Variants in KRT7 observed in about 807,000 individuals in gnomAD.
KRT7 encodes the protein keratin 7.
In KRT7, 50 loss-of-function variants were observed where a neutral mutation model predicts 42.8. The observed-to-expected ratio is 1.17, with a 90% confidence interval of 0.93 to 1.48. KRT7 has a LOEUF of 1.48. Ranked by LOEUF, KRT7 falls within the 40% of genes most tolerant of loss-of-function variation. The pLI is 0.00. For synonymous variants in KRT7, 268 were observed against 266.3 expected (o/e 1.01, Z -0.06); for missense variants, 588 against 637.6 (o/e 0.92, Z 0.84).
downstream of KRT7, among the ~76,000 whole-genome samples, chr12:52,252,778 C>G (rs1182574795): frequency 6.6e-6 from 1 of 152,226 alleles, no homozygotes; most frequent in Non-Finnish European, 1.5e-5. Flanking sequence ...TTGTGCTTTC[C>G]AGTTTACCAT....
At chr12:52,237,216 A>C (rs1009311300) in intron 2 of KRT7, among the ~76,000 whole-genome samples, 11 of 152,348 alleles carry the variant, frequency 7.2e-5, no homozygotes, top group African/African-American at 2.4e-4. Flanking sequence ...AGTCTCATGC[A>C]TATGGCTGTT....
intron 6 of KRT7, chr12:52,245,098 C>T (rs1942148443): frequency 2.1e-6 from 1 of 475,190 alleles, no homozygotes; most frequent in Admixed American, 4.0e-5. Context: ...AGACATTGTG[C>T]CACGGACATC....
At position 52,245,633 on chromosome 12, in the gene KRT7, G is replaced by T. The variant is rs781076911; in HGVS notation, c.1205+1G>T. On this transcript the variant is annotated splice_donor_variant, in intron 7 of 8. Coordinates refer to ENST00000331817, the MANE Select transcript of KRT7 (RefSeq NM_005556.4). LOFTEE classifies it high-confidence loss of function. ...AGCTGCTGGAGGGCGAGGAGAGCCG[G>T]TGAGGACAAGGAACCTGGAAAGGGG... 6.2e-7 allele frequency: 1 copy of T among 1,613,240 alleles called. No homozygotes were observed. Among genetic ancestry groups the T allele is most frequent in the African/African-American group, 1.3e-5 (1 of 74,914 alleles).
At chr12:52,240,701 G>T (rs1942075606) in intron 4 of KRT7, among the ~76,000 whole-genome samples, 1 of 151,840 alleles carries the variant, frequency 6.6e-6, no homozygotes, top group Non-Finnish European at 1.5e-5. Flanking sequence ...TACCTTTCCA[G>T]ACTTTTCTGT....
rs767802870 is a variant in KRT7, at chr12:52,248,795, C to T, written c.*35C>T. 2 of 1,491,374 alleles carry T rather than the reference C, an allele frequency of 1.3e-6. No individual in the cohort carries two copies. The highest frequency in any genetic ancestry group is 1.8e-6 in the Non-Finnish European group (2 of 1,122,430). The allele number at this position is 1,491,374 out of a possible 1,614,324, so 92.4% of individuals were successfully genotyped here. ...CACCACTCCACTCCTCCAGCCACCA[C>T]CCACAATCACAAGAAGATTCCCACC... On this transcript the variant is annotated 3_prime_UTR_variant, in exon 9 of 9. Coordinates refer to ENST00000331817, the MANE Select transcript of KRT7 (RefSeq NM_005556.4).
downstream of KRT7, chr12:52,255,262 G>A (rs1004400096): frequency 6.8e-6 from 3 of 441,286 alleles, no homozygotes; most frequent in African/African-American, 4.0e-5. Flanking sequence ...GTTAGTCAAG[G>A]TCTCCCAGCT....
chr12:52,250,569 C>G (rs1158360218), downstream of KRT7: 1 of 1,256,656 alleles, frequency 8.0e-7, no homozygotes, highest in Non-Finnish European at 1.1e-6. Flanking sequence ...ACTGCAGACG[C>G]TGCCCGTCAC....
At chr12:52,233,843 C>T (rs1311952045) in intron 1 of KRT7, among the ~76,000 whole-genome samples, 2 of 152,162 alleles carry the variant, frequency 1.3e-5, no homozygotes, top group Non-Finnish European at 2.9e-5. Context: ...AGCAAGCTGC[C>T]CAGCTGCCCC....
chr12:52,251,725 G>A, downstream of KRT7: 2 of 337,724 alleles, frequency 5.9e-6, no homozygotes, highest in Non-Finnish European at 1.2e-5. Flanking sequence ...CATGACTGTA[G>A]CTAATTAAGT....
downstream of KRT7, chr12:52,252,509 A>T (rs561104150): frequency 2.6e-4 from 416 of 1,611,916 alleles, no homozygotes; most frequent in Admixed American, 4.2e-4. Context: ...GTTATTAAGG[A>T]TCTCTGTTCT....
rs766738247 is a variant in KRT7 at position 52,235,237 on chromosome 12, G to A, written c.407G>A (p.Arg136His). ...GAGCAGAAGTCGGCCAAGAGCAGCC[G>A]CCTCCCAGACATCTTTGAGGCCCAG... is the stretch of plus-strand genomic sequence containing the variant. ...LQEQKSAKSSRLPDIFEAQIA... is the reference protein window; with the variant it reads ...LQEQKSAKSSHLPDIFEAQIA... The change falls in exon 2 of 9, where the codon CGC (arginine) becomes CAC (histidine). Residue 136 changes from arginine (R) to histidine (H), a missense_variant. Arg to His is a conservative substitution (Grantham distance 29, BLOSUM62 0). Coordinates refer to ENST00000331817, the MANE Select transcript of KRT7 (RefSeq NM_005556.4). The A allele has an allele frequency of 3.1e-6, 5 of 1,614,064 alleles. No individual in the cohort carries two copies. The highest frequency in any genetic ancestry group is 1.3e-5 in the African/African-American group (1 of 74,948).
chr12:52,252,624 C>A, downstream of KRT7: 1 of 1,005,462 alleles, frequency 9.9e-7, no homozygotes, highest in Non-Finnish European at 1.4e-6. Flanking sequence ...TGCTCCCAGG[C>A]ATGTTTGCAC....
intron 7 of KRT7, among the ~76,000 whole-genome samples, chr12:52,246,684 T>G (rs1445038631): frequency 6.6e-6 from 1 of 152,132 alleles, no homozygotes; most frequent in Non-Finnish European, 1.5e-5. Flanking sequence ...GTCTTCTTTG[T>G]GGGAAGAAGA....
At chr12:52,238,852 C>T (rs962944370) in intron 4 of KRT7, 77 bp downstream of exon 4, 2 of 919,422 alleles carry the variant, frequency 2.2e-6, no homozygotes, top group African/African-American at 3.2e-5. Flanking sequence ...AGCCCCCCGC[C>T]TCTGTGTCAG....
chr12:52,244,417 G>A (rs781743468), intron 6 of KRT7: 467 of 985,664 alleles, frequency 4.7e-4, no homozygotes, highest in Non-Finnish European at 5.4e-4. Flanking sequence ...ACTGAGGGGC[G>A]TCATGGGGAG....
In KRT7 at chr12:52,233,406, G is replaced by A. The variant is rs544970717; in HGVS notation, c.110G>A (p.Ser37Asn). The change falls in exon 1 of 9, where the codon AGC (serine) becomes AAC (asparagine). Residue 37 changes from serine to asparagine, a missense_variant. Ser to Asn is a conservative substitution (Grantham distance 46, BLOSUM62 1). Coordinates refer to ENST00000331817, the MANE Select transcript of KRT7 (RefSeq NM_005556.4). ...SSARPGGLGS[S>N]SLYGLGASRP... ...GCTCGCCCCGGCGGCCTTGGCAGCA[G>A]CAGCCTCTACGGCCTCGGCGCCTCA... 1.3e-4 allele frequency: 211 copies of A among 1,564,380 alleles called. No homozygotes were observed. In the African/African-American group the frequency reaches 2.7e-3, roughly 20 times the overall value.
intron 2 of KRT7, 129 bp from the exon 3 acceptor site, chr12:52,237,380 G>A (rs1565717521): frequency 3.2e-6 from 2 of 622,940 alleles, no homozygotes; most frequent in Non-Finnish European, 5.4e-6. Context: ...GCTGACACCT[G>A]TTTTTTCAGG....
intron 8 of KRT7, 85 bp from the exon 9 acceptor site, chr12:52,248,506 G>A (rs1413615926): frequency 7.3e-7 from 1 of 1,362,924 alleles, no homozygotes; most frequent in Admixed American, 2.2e-5. Flanking sequence ...GGGCAGCTGG[G>A]GCAGGAGGGT....
At position 52,243,105 on chromosome 12, in the gene KRT7, C is replaced by G; in HGVS notation, c.952C>G (p.Leu318Val). 2 of 1,613,580 alleles carry G rather than the reference C, an allele frequency of 1.2e-6. No homozygotes were observed. Among genetic ancestry groups the G allele is most frequent in the Admixed American group, 1.7e-5 (1 of 59,956 alleles). Reference protein sequence around the residue: ...ISEMNRAIQRLQAEIDNIKNQ... With the variant: ...ISEMNRAIQRVQAEIDNIKNQ... Reference sequence around the variant, plus strand: ...AGAGATGAACCGGGCCATCCAGAGGCTGCAGGCTGAGATCGACAACATCAA... The same window carrying G: ...AGAGATGAACCGGGCCATCCAGAGGGTGCAGGCTGAGATCGACAACATCAA... The change falls in exon 6 of 9, where the codon CTG (leucine) becomes GTG (valine). Residue 318 changes from leucine (L) to valine (V), a missense_variant. Coordinates refer to ENST00000331817, the MANE Select transcript of KRT7 (RefSeq NM_005556.4).
Sources: allele counts gnomAD v4.1 joint callset (sites outside exome capture counted in the v4.1 genomes callset), GRCh38; gene constraint gnomAD v4.1.1; transcripts MANE v1.5; gene names NCBI Gene and HGNC (gene_info 2026-07-23, HGNC 2026-07-21).